Variants in ADAMTSL1 observed in about 807,000 individuals in gnomAD.
ADAMTSL1 encodes ADAMTS like 1.
A neutral mutation model predicts 201.8 loss-of-function variants in ADAMTSL1; 126 were observed. That is an observed-to-expected ratio of 0.62 (90% CI 0.54 to 0.72). The LOEUF (loss-of-function observed/expected upper bound fraction) is 0.72, where lower values mean the gene tolerates loss of function less well. Among genes scored for constraint, ADAMTSL1 ranks in the 30% least tolerant of loss-of-function variants. The probability of loss-of-function intolerance (pLI) is 0.00; values close to 1 mark genes in which losing one functional copy is unlikely to be tolerated. For missense variants in ADAMTSL1, 2,679 were observed against 2,277.8 expected (o/e 1.18, Z -3.59); for synonymous variants, 1,121 against 903.4 (o/e 1.24, Z -4.32).
chr9:18,280,024 A>G (rs1380926000), intron 2 of ADAMTSL1, among the ~76,000 whole-genome samples: 1 of 152,164 alleles, frequency 6.6e-6, no homozygotes, highest in African/African-American at 2.4e-5. Flanking sequence ...ACTGGGGTCC[A>G]CTAGATAGGC....
intron 2 of ADAMTSL1, among the ~76,000 whole-genome samples, chr9:18,236,102 C>A (rs948749927): frequency 6.6e-6 from 1 of 152,110 alleles, no homozygotes; most frequent in Admixed American, 6.5e-5. Context: ...GTACCCTCAC[C>A]CAAAATCTAT....
rs761369658 is a variant in ADAMTSL1 at position 18,826,265 on chromosome 9, T to G, written c.3935-19T>G. 139 of 741,272 alleles carry G rather than the reference T, an allele frequency of 1.9e-4. No homozygotes were observed. Among genetic ancestry groups the G allele is most frequent in the South Asian group, 1.2e-3 (49 of 41,460 alleles). The allele number at this position is 741,272 out of a possible 1,614,324, so 45.9% of individuals were successfully genotyped here. On this transcript the variant is annotated intron_variant, in intron 21 of 28. Transcript: ENST00000380548. ...TTGACTGATGAGTGGGGTTTTTTGT[T>G]TTTTTTTTTTCTTCCTAGGAGTGCC...
intron 1 of ADAMTSL1, among the ~76,000 whole-genome samples, chr9:17,988,781 G>C (rs887396743): frequency 6.6e-6 from 1 of 151,800 alleles, no homozygotes; most frequent in Non-Finnish European, 1.5e-5. Context: ...CATAGTGAAC[G>C]TGTTAGAATA....
At position 18,528,106 on chromosome 9, in the gene ADAMTSL1, G is replaced by C. The variant is rs575934808; in HGVS notation, c.192-5141G>C. ...TTGGCCAGGCTGGTCTTGAACTCCTGACCTCACATGATCCACCTGTCTTGG... is the reference window on the plus strand; with the variant it reads ...TTGGCCAGGCTGGTCTTGAACTCCTCACCTCACATGATCCACCTGTCTTGG... On this transcript the variant is annotated intron_variant, in intron 2 of 28. Coordinates refer to ENST00000380548, the MANE Select transcript of ADAMTSL1 (RefSeq NM_001040272.6). Among the ~76,000 whole-genome samples, 15 of 152,254 alleles carry C rather than the reference G, an allele frequency of 9.9e-5. No homozygotes were observed. The South Asian group carries it at 2.9e-3, about 29-fold the overall frequency.
intron 3 of ADAMTSL1, among the ~76,000 whole-genome samples, chr9:18,553,949 G>C (rs1163540400): frequency 6.6e-6 from 1 of 151,448 alleles, no homozygotes; most frequent in Non-Finnish European, 1.5e-5. Flanking sequence ...AATTATTTCT[G>C]GAAAATTCTC....
intron 10 of ADAMTSL1, among the ~76,000 whole-genome samples, chr9:18,676,284 T>A (rs1184715549): frequency 2.6e-5 from 4 of 152,090 alleles, no homozygotes; most frequent in African/African-American, 7.2e-5. Context: ...AAACAAACAC[T>A]GCCTAAAGTA....
intron 1 of ADAMTSL1, among the ~76,000 whole-genome samples, chr9:18,103,266 G>T (rs11999221): frequency 6.6e-6 from 1 of 152,008 alleles, no homozygotes; most frequent in African/African-American, 2.4e-5. Flanking sequence ...ACATGTTCAG[G>T]ACTAGGCCAG....
At chr9:18,333,823 G>T (rs998164203) in intron 2 of ADAMTSL1, among the ~76,000 whole-genome samples, 1 of 152,138 alleles carries the variant, frequency 6.6e-6, no homozygotes, top group African/African-American at 2.4e-5. Flanking sequence ...TCTTCAGAGG[G>T]ATTACTGATT....
rs1821030901 is a variant in ADAMTSL1, at chr9:18,776,763, G to C, written c.2552-18G>C. 6.5e-7 allele frequency: 1 copy of C among 1,531,618 alleles called. No individual in the cohort carries two copies. The highest frequency in any genetic ancestry group is 2.0e-5 in the Admixed American group (1 of 49,078). The allele number at this position is 1,531,618 out of a possible 1,614,324, so 94.9% of individuals were successfully genotyped here. A position where few individuals can be genotyped will look rare whatever the true frequency, so the allele number is the denominator to read the frequency against. On this transcript the variant is annotated intron_variant, in intron 18 of 28. Transcript: ENST00000380548. ...CCCCACCTCTTTCTCTGTCCCTTCG[G>C]GTTCGCTCTCCTTCCAGGGCCCGGG... is the stretch of plus-strand genomic sequence containing the variant.
chr9:18,857,904 T>G (rs1826963350), intron 23 of ADAMTSL1, among the ~76,000 whole-genome samples: 1 of 152,204 alleles, frequency 6.6e-6, no homozygotes, highest in Admixed American at 6.5e-5. Flanking sequence ...TTTAAGAACT[T>G]CATTACTTTC....
At chr9:18,257,640 G>C (rs1205125169) in intron 2 of ADAMTSL1, among the ~76,000 whole-genome samples, 2 of 152,132 alleles carry the variant, frequency 1.3e-5, no homozygotes, top group African/African-American at 2.4e-5. Flanking sequence ...AAAAAGTTAA[G>C]CACAGAATTA....
At chr9:17,929,297 T>A (rs926107846) in intron 1 of ADAMTSL1, among the ~76,000 whole-genome samples, 1 of 152,054 alleles carries the variant, frequency 6.6e-6, no homozygotes, top group African/African-American at 2.4e-5. Context: ...AAAGCTTTTT[T>A]AGACATTTTA....
At chr9:18,433,477 A>G (rs1292841660) in intron 2 of ADAMTSL1, among the ~76,000 whole-genome samples, 1 of 152,162 alleles carries the variant, frequency 6.6e-6, no homozygotes, top group Non-Finnish European at 1.5e-5. Flanking sequence ...ATTGCCATTA[A>G]GAAAAAACAA....
chr9:18,310,387 A>AAC (rs1834092911), intron 2 of ADAMTSL1, among the ~76,000 whole-genome samples: 1 of 142,850 alleles, frequency 7.0e-6, no homozygotes, highest in Non-Finnish European at 1.5e-5. Flanking sequence ...AAAAAAAAAA[A>AAC]AAAAAAAAAA....
Position 17,947,344 on chromosome 9 carries a change from CA to C in ADAMTSL1, c.87+40423del, listed in dbSNP as rs1281292022. Among the ~76,000 whole-genome samples the C allele has an allele frequency of 6.1e-5, 9 of 148,288 alleles. No individual in the cohort carries two copies. The South Asian group carries it at 6.4e-4, about 11-fold the overall frequency. On this transcript the variant is annotated intron_variant, in intron 1 of 29. Transcript: ENST00000680146. Reference sequence around the variant, plus strand: ...ACACACACACACACACACACACACACACCCCACTATGCACTTGATAATTTTG... The same window carrying C: ...ACACACACACACACACACACACACACCCCCACTATGCACTTGATAATTTTG...
At chr9:18,585,167 A>G (rs1823400551) in intron 4 of ADAMTSL1, among the ~76,000 whole-genome samples, 1 of 152,134 alleles carries the variant, frequency 6.6e-6, no homozygotes, top group African/African-American at 2.4e-5. Context: ...TATTATTTTT[A>G]TTCATGGAAG....
intron 1 of ADAMTSL1, among the ~76,000 whole-genome samples, chr9:18,157,349 C>G (rs1827199649): frequency 6.6e-6 from 1 of 151,928 alleles, no homozygotes; most frequent in Admixed American, 6.6e-5. Flanking sequence ...CCTGTCTTGT[C>G]AAGGTGTAGA....
At chr9:18,706,675 G>T in intron 13 of ADAMTSL1, 72 bp from the exon 14 acceptor site, 1 of 1,450,190 alleles carries the variant, frequency 6.9e-7, no homozygotes. Flanking sequence ...GTGGGATGCA[G>T]CCCCTCACAG....
intron 1 of ADAMTSL1, among the ~76,000 whole-genome samples, chr9:18,126,698 C>T (rs373069762): frequency 6.6e-6 from 1 of 151,940 alleles, no homozygotes; most frequent in African/African-American, 2.4e-5. Flanking sequence ...CACAGTAACA[C>T]GGAGATGGAG....
Sources: gnomAD v4.1 joint callset for allele counts (sites outside exome capture counted in the v4.1 genomes callset) on GRCh38, gnomAD v4.1.1 for gene constraint, MANE v1.5 for transcripts, NCBI Gene and HGNC (gene_info 2026-07-23, HGNC 2026-07-21) for gene names.